TOM1: variants seen among roughly 807,000 people sequenced by gnomAD.
TOM1 encodes the protein target of myb1 membrane trafficking protein.
Under a neutral mutation model 61.3 loss-of-function variants are expected in TOM1, and 38 were observed. The ratio of observed to expected loss-of-function variants is 0.62; its 90% CI spans 0.48 to 0.81. The LOEUF (loss-of-function observed/expected upper bound fraction) is 0.81, where lower values mean the gene tolerates loss of function less well. Ranked by LOEUF, TOM1 falls within the 40% of genes least tolerant of loss-of-function variation. The pLI, the probability that TOM1 is intolerant of heterozygous loss-of-function variation, is 0.00. For missense variants in TOM1, 591 were observed against 659.6 expected, an observed-to-expected ratio of 0.90 and a Z score of 1.14; for synonymous variants, 270 against 268.8, an observed-to-expected ratio of 1.00 and a Z score of -0.04.
intron 12 of TOM1, among the ~76,000 whole-genome samples, chr22:35,342,580 G>A (rs1359413469): frequency 6.6e-6 from 1 of 151,936 alleles, no homozygotes; most frequent in Non-Finnish European, 1.5e-5. Context: ...GAGTTGAGAA[G>A]CTTTGTTTAG....
chr22:35,301,249 C>T (rs1221617758), intron 1 of TOM1, among the ~76,000 whole-genome samples: 1 of 152,088 alleles, frequency 6.6e-6, no homozygotes, highest in Non-Finnish European at 1.5e-5. Context: ...CACATACACA[C>T]ACACACACGC....
chr22:35,339,716 A>G (rs1372240957), intron 12 of TOM1, among the ~76,000 whole-genome samples: 2 of 151,976 alleles, frequency 1.3e-5, no homozygotes, highest in East Asian at 1.9e-4. Context: ...CATCCCGGCT[A>G]AAACGGTGAA....
At chr22:35,304,017 T>C (rs1365385318) in intron 1 of TOM1, among the ~76,000 whole-genome samples, 1 of 152,158 alleles carries the variant, frequency 6.6e-6, no homozygotes, top group Non-Finnish European at 1.5e-5. Flanking sequence ...CCATAATAAC[T>C]CTGCCAGGTA....
At chr22:35,309,640 T>C (rs867906769) in intron 1 of TOM1, among the ~76,000 whole-genome samples, 21 of 98,214 alleles carry the variant, frequency 2.1e-4, no homozygotes, top group Admixed American at 3.6e-4. Flanking sequence ...TGAGACTCCA[T>C]CTCAAAAAAA....
In TOM1 at chr22:35,347,366, G is replaced by T. The variant is rs1215449550; in HGVS notation, c.*157G>T. On this transcript the variant is annotated 3_prime_UTR_variant, in exon 15 of 15. Transcript: ENST00000449058. The stretch of plus-strand genomic sequence containing the variant: ...ACGGAGCTGCCCCAGCTGTGGCTGG[G>T]GGTGTGGAGGCAGTGGGATGAACTG... 8.2e-6 allele frequency: 6 copies of T among 731,218 alleles called. No homozygotes were observed. The African/African-American group carries it at 9.0e-5, about 11-fold the overall frequency. The allele number at this position is 731,218 out of a possible 1,614,324, so 45.3% of individuals were successfully genotyped here.
In TOM1 at chr22:35,345,802, CCT is replaced by C. The variant is rs1307427222; in HGVS notation, c.1284+20_1284+21del. 3.1e-6 allele frequency: 5 copies of C among 1,613,054 alleles called. No individual in the cohort carries two copies. The South Asian group carries it at 5.5e-5, about 18-fold the overall frequency. On this transcript the variant is annotated intron_variant, in intron 13 of 14. Coordinates refer to ENST00000449058, the MANE Select transcript of TOM1 (RefSeq NM_005488.3). ...CTGACGTGGTATGTTGGGGCCCACT[CCT>C]CACCCACACAGCAGGAGGACCCGTT... is the stretch of plus-strand genomic sequence containing the variant.
intron 12 of TOM1, among the ~76,000 whole-genome samples, chr22:35,339,246 G>A (rs1009901272): frequency 1.1e-4 from 17 of 152,204 alleles, no homozygotes; most frequent in African/African-American, 3.6e-4. Flanking sequence ...CAGGAGAATC[G>A]CTTGAACCCA....
intron 8 of TOM1, among the ~76,000 whole-genome samples, chr22:35,331,049 A>G (rs1328487619): frequency 1.2e-4 from 18 of 151,822 alleles, no homozygotes; most frequent in Admixed American, 9.8e-4. Context: ...GCTGCCATCA[A>G]TAAATACATC....
intron 2 of TOM1, among the ~76,000 whole-genome samples, chr22:35,320,814 G>A (rs1209508413): frequency 6.6e-6 from 1 of 151,940 alleles, no homozygotes; most frequent in Non-Finnish European, 1.5e-5. Flanking sequence ...TACATATTGG[G>A]TGCTTAATAA....
Position 35,330,597 on chromosome 22 carries a change from C to G in TOM1, c.899+117C>G, listed in dbSNP as rs953997884. On this transcript the variant is annotated intron_variant, in intron 8 of 14. Coordinates refer to ENST00000449058, the MANE Select transcript of TOM1 (RefSeq NM_005488.3). ...CCTTCTCTCGTCCTCCTCTCAAACACAAGGCAGGCTCCTAAGGGCCTGTGC... is the reference window on the plus strand; with the variant it reads ...CCTTCTCTCGTCCTCCTCTCAAACAGAAGGCAGGCTCCTAAGGGCCTGTGC... The G allele has an allele frequency of 6.4e-6, 7 of 1,090,038 alleles. No individual in the cohort carries two copies. In the Admixed American group the frequency reaches 7.6e-5, roughly 12 times the overall value. 67.5% of individuals were successfully genotyped at this position (1,090,038 alleles called of 1,614,324 possible). A position where few individuals can be genotyped will look rare whatever the true frequency, so the allele number is the denominator to read the frequency against.
At chr22:35,345,970 G>T (rs996478717) in intron 13 of TOM1, among the ~76,000 whole-genome samples, 186 bp downstream of exon 13, 2 of 152,202 alleles carry the variant, frequency 1.3e-5, no homozygotes, top group Non-Finnish European at 2.9e-5. Context: ...GAGAAGTCCT[G>T]GGCACAGTAG....
intron 12 of TOM1, among the ~76,000 whole-genome samples, chr22:35,339,314 G>C (rs1256139788): frequency 6.6e-6 from 1 of 151,960 alleles, no homozygotes; most frequent in African/African-American, 2.4e-5. Context: ...CTAGGTGACA[G>C]AGCAAGACTC....
intron 1 of TOM1, among the ~76,000 whole-genome samples, chr22:35,301,377 C>G (rs1925769319): frequency 6.6e-6 from 1 of 152,068 alleles, no homozygotes; most frequent in South Asian, 2.1e-4. Context: ...GTTAGGAATC[C>G]CTGGAAATCG....
chr22:35,314,165 T>C (rs1411774175), intron 1 of TOM1, among the ~76,000 whole-genome samples: 1 of 152,204 alleles, frequency 6.6e-6, no homozygotes, highest in African/African-American at 2.4e-5. Flanking sequence ...CACCTGGACC[T>C]GGAGGAACCT....
At chr22:35,313,846 G>A (rs1927051769) in intron 1 of TOM1, among the ~76,000 whole-genome samples, 1 of 152,234 alleles carries the variant, frequency 6.6e-6, no homozygotes, top group African/African-American at 2.4e-5. Context: ...GATGACAGGT[G>A]GAGGATTGCA....
chr22:35,313,592 A>G (rs1475553108), intron 1 of TOM1, among the ~76,000 whole-genome samples: 1 of 152,212 alleles, frequency 6.6e-6, no homozygotes, highest in African/African-American at 2.4e-5. Flanking sequence ...AGAGACTCAG[A>G]GGGGCTGGAT....
At chr22:35,311,797 G>T (rs914047120) in intron 1 of TOM1, among the ~76,000 whole-genome samples, 3 of 152,314 alleles carry the variant, frequency 2.0e-5, no homozygotes, top group African/African-American at 7.2e-5. Context: ...TGACACAAAT[G>T]GAGGTCCTCC....
chr22:35,308,428 C>T (rs1014703985), intron 1 of TOM1, among the ~76,000 whole-genome samples: 7 of 151,904 alleles, frequency 4.6e-5, no homozygotes, highest in African/African-American at 1.7e-4. Context: ...GGACTACAGG[C>T]GCGTGCCACC....
intron 12 of TOM1, among the ~76,000 whole-genome samples, chr22:35,342,772 C>T (rs1322257141): frequency 1.3e-5 from 2 of 148,844 alleles, no homozygotes; most frequent in Non-Finnish European, 3.0e-5. Flanking sequence ...ACACACACAT[C>T]TACACCCACC....
Sources: allele counts gnomAD v4.1 joint callset (sites outside exome capture counted in the v4.1 genomes callset), GRCh38; gene constraint gnomAD v4.1.1; transcripts MANE v1.5; gene names NCBI Gene and HGNC (gene_info 2026-07-23, HGNC 2026-07-21).